Variants in CNTNAP2 observed in about 807,000 individuals in gnomAD.
The protein encoded by CNTNAP2 is contactin-associated protein-like 2.
A neutral mutation model predicts 155.2 loss-of-function variants in CNTNAP2; 98 were observed. The ratio of observed to expected loss-of-function variants is 0.63; its 90% CI spans 0.54 to 0.75. CNTNAP2 has a LOEUF of 0.75. Ranked by LOEUF, CNTNAP2 falls within the 30% of genes least tolerant of loss-of-function variation. The pLI, the probability that CNTNAP2 is intolerant of heterozygous loss-of-function variation, is 0.00. For missense variants in CNTNAP2, 1,727 were observed against 1,688.1 expected (o/e 1.02, Z -0.40); for synonymous variants, 651 against 631.2 (o/e 1.03, Z -0.47).
At chr7:148,052,097 C>CCACTG in intron 15 of CNTNAP2, among the ~76,000 whole-genome samples, 1 of 150,416 alleles carries the variant, frequency 6.6e-6, no homozygotes, top group Non-Finnish European at 1.5e-5. Context: ...TGAGATCGCA[C>CCACTG]CACTGCACTC....
intron 9 of CNTNAP2, among the ~76,000 whole-genome samples, chr7:147,387,443 T>C (rs935345666): frequency 6.6e-5 from 10 of 152,210 alleles, no homozygotes; most frequent in South Asian, 2.1e-4. Context: ...ATTCTTCTCA[T>C]TGAATCTCAT....
intron 8 of CNTNAP2, among the ~76,000 whole-genome samples, chr7:147,287,722 G>A (rs575685136): frequency 9.9e-5 from 15 of 151,890 alleles, no homozygotes; most frequent in African/African-American, 3.4e-4. Context: ...TAACAGATTC[G>A]CCCAACCTCG....
chr7:146,932,186 C>G (rs1278045062), intron 3 of CNTNAP2, among the ~76,000 whole-genome samples: 2 of 152,114 alleles, frequency 1.3e-5, no homozygotes, highest in Non-Finnish European at 2.9e-5. Flanking sequence ...CAAAAATCCT[C>G]AAAAAAATAT....
At chr7:147,210,078 G>A (rs753745704) in intron 8 of CNTNAP2, among the ~76,000 whole-genome samples, 7 of 152,028 alleles carry the variant, frequency 4.6e-5, no homozygotes, top group Non-Finnish European at 8.8e-5. Flanking sequence ...TCTTTTCCAG[G>A]TTTGGGTATT....
At chr7:146,124,213 G>A (rs900606257) in intron 1 of CNTNAP2, among the ~76,000 whole-genome samples, 1 of 151,868 alleles carries the variant, frequency 6.6e-6, no homozygotes, top group Non-Finnish European at 1.5e-5. Context: ...AAACCTTCAC[G>A]TTCTGCACAT....
intron 1 of CNTNAP2, among the ~76,000 whole-genome samples, chr7:146,285,978 C>CTG (rs540809295): frequency 0.035 from 1,167 of 33,678 alleles, 55 homozygotes; most frequent in African/African-American, 0.092. Flanking sequence ...CCTTCCTTCT[C>CTG]TGTGTGTGTG....
intron 8 of CNTNAP2, among the ~76,000 whole-genome samples, chr7:147,166,893 G>C (rs1802124313): frequency 6.6e-6 from 1 of 152,146 alleles, no homozygotes; most frequent in Non-Finnish European, 1.5e-5. Context: ...TGATGGCTTA[G>C]CTTGGGCTCA....
chr7:148,245,792 C>A (rs1796251495), intron 20 of CNTNAP2, among the ~76,000 whole-genome samples: 1 of 152,184 alleles, frequency 6.6e-6, no homozygotes. Context: ...TGGGTACACA[C>A]ACACACACAC....
At chr7:147,377,418 C>T (rs1183214952) in intron 9 of CNTNAP2, among the ~76,000 whole-genome samples, 1 of 151,582 alleles carries the variant, frequency 6.6e-6, no homozygotes, top group African/African-American at 2.4e-5. Flanking sequence ...GTCATTATCA[C>T]TTTTATAATT....
intron 13 of CNTNAP2, among the ~76,000 whole-genome samples, chr7:147,769,584 C>G (rs7457261): frequency 0.017 from 2,514 of 152,118 alleles, 109 homozygotes; most frequent in Admixed American, 0.09. Context: ...AGGAAGAGCA[C>G]AGAGACTATG....
At chr7:146,456,440 T>G (rs1321621299) in intron 1 of CNTNAP2, among the ~76,000 whole-genome samples, 1 of 152,086 alleles carries the variant, frequency 6.6e-6, no homozygotes, top group Non-Finnish European at 1.5e-5. Context: ...AAGTTCCAGA[T>G]TCATCCAAAT....
At chr7:147,653,429 G>A (rs995352742) in intron 13 of CNTNAP2, among the ~76,000 whole-genome samples, 2 of 152,118 alleles carry the variant, frequency 1.3e-5, no homozygotes, top group Non-Finnish European at 2.9e-5. Flanking sequence ...GGCAGCACCT[G>A]GGGGGATGAA....
Position 148,418,448 on chromosome 7 carries a change from C to CA in CNTNAP2, c.*2838dup, listed in dbSNP as rs1424069746. ...TAATATGTATAGACAACAACAACGA[C>CA]AAAAAATAGACTGTTTTAAAGTTTC... On this transcript the variant is annotated 3_prime_UTR_variant, in exon 24 of 24. Coordinates refer to ENST00000361727, the MANE Select transcript of CNTNAP2 (RefSeq NM_014141.6). 3 of 152,180 alleles carry CA rather than the reference C, an allele frequency of 2.0e-5. No homozygotes were observed. The highest frequency in any genetic ancestry group is 6.5e-5 in the Admixed American group (1 of 15,290). 9.4% of individuals were successfully genotyped at this position (152,180 alleles called of 1,614,324 possible). A position where few individuals can be genotyped will look rare whatever the true frequency, so the allele number is the denominator to read the frequency against.
rs1189772898 is a variant in CNTNAP2, at chr7:146,843,076, A to G, written c.402+3172A>G. 1.5e-3 allele frequency among the ~76,000 whole-genome samples: 134 copies of G among 91,658 alleles called. 2 individuals are homozygous for G. The highest frequency in any genetic ancestry group is 1.7e-3 in the Non-Finnish European group (86 of 51,190). The allele number at this position is 91,658 out of a possible 152,430, so 60.1% of individuals were successfully genotyped here. On this transcript the variant is annotated intron_variant, in intron 3 of 23. Coordinates refer to ENST00000361727, the MANE Select transcript of CNTNAP2 (RefSeq NM_014141.6). ...GCCGGACTGCGGACTGCAGTGGCGC[A>G]ATCTCGGCTCACTGCAAGCTCCGCT...
At chr7:148,235,695 T>TTC (rs1397696637) in intron 20 of CNTNAP2, among the ~76,000 whole-genome samples, 1 of 149,514 alleles carries the variant, frequency 6.7e-6, no homozygotes, top group African/African-American at 2.5e-5. Flanking sequence ...ATTTTTTTTT[T>TTC]TTTTTTTTTG....
rs532762431 is a variant in CNTNAP2 at position 147,018,415 on chromosome 7, C to A, written c.403-25492C>A. On this transcript the variant is annotated intron_variant, in intron 3 of 23. Transcript: ENST00000361727. The stretch of plus-strand genomic sequence containing the variant: ...CTGTCCATGTCTGTTATTTGATTTG[C>A]GTGAGAGAAATGTATCAGATTTTAA... Among the ~76,000 whole-genome samples the A allele has an allele frequency of 2.6e-5, 4 of 152,062 alleles. No individual in the cohort carries two copies. The South Asian group carries it at 8.3e-4, about 32-fold the overall frequency.
At chr7:148,038,424 C>A (rs1017472523) in intron 15 of CNTNAP2, among the ~76,000 whole-genome samples, 3 of 152,186 alleles carry the variant, frequency 2.0e-5, no homozygotes, top group Non-Finnish European at 4.4e-5. Context: ...TTCAACACCC[C>A]CTCTTTGTCC....
At chr7:147,400,357 G>A (rs984604896) in intron 10 of CNTNAP2, among the ~76,000 whole-genome samples, 3 of 152,120 alleles carry the variant, frequency 2.0e-5, no homozygotes, top group Non-Finnish European at 2.9e-5. Context: ...TCGGAGACTC[G>A]CTACAACAGA....
intron 13 of CNTNAP2, among the ~76,000 whole-genome samples, chr7:147,859,430 A>C (rs984165503): frequency 6.6e-6 from 1 of 150,874 alleles, no homozygotes; most frequent in Non-Finnish European, 1.5e-5. Context: ...ACCAAAAAAA[A>C]AAAAAAAAAA....
Sources: allele counts gnomAD v4.1 joint callset (sites outside exome capture counted in the v4.1 genomes callset), GRCh38; gene constraint gnomAD v4.1.1; transcripts MANE v1.5; gene names NCBI Gene and HGNC (gene_info 2026-07-23, HGNC 2026-07-21).